The following TRPC4AP variants were observed in gnomAD, a reference collection of about 807,000 sequenced individuals.
TRPC4AP encodes short transient receptor potential channel 4-associated protein.
In TRPC4AP, 45 loss-of-function variants were observed where a neutral mutation model predicts 99.0. That is an observed-to-expected ratio of 0.45 (90% confidence interval 0.36 to 0.58). The LOEUF (loss-of-function observed/expected upper bound fraction) is 0.58. TRPC4AP is among the 20% of genes least tolerant of loss of function. The pLI, the probability that TRPC4AP is intolerant of heterozygous loss-of-function variation, is 0.00. For missense variants in TRPC4AP, 879 were observed against 985.3 expected (o/e 0.89, Z 1.44); for synonymous variants, 408 against 385.8 (o/e 1.06, Z -0.67).
intron 7 of TRPC4AP, among the ~76,000 whole-genome samples, chr20:35,039,003 G>T (rs1382864305): frequency 6.6e-6 from 1 of 152,230 alleles, no homozygotes; most frequent in Non-Finnish European, 1.5e-5. Context: ...GAACCAGAAA[G>T]TGGTGGTTGC....
intron 2 of TRPC4AP, among the ~76,000 whole-genome samples, chr20:35,071,861 C>T (rs2084325017): frequency 6.6e-6 from 1 of 152,074 alleles, no homozygotes; most frequent in East Asian, 1.9e-4. Flanking sequence ...AATCGCCACA[C>T]TGTCTTCCAC....
At chr20:35,086,507 ATGTGTGTGTGTGTATATATG>A (rs1569157801) in intron 1 of TRPC4AP, among the ~76,000 whole-genome samples, 1 of 62,972 alleles carries the variant, frequency 1.6e-5, no homozygotes, top group Non-Finnish European at 3.5e-5. Flanking sequence ...GTGTATATAT[ATGTGTGTGTGTGTATATATG>A]TGTGTGTGTG....
Position 35,078,060 on chromosome 20 carries a change from G to T in TRPC4AP, c.283C>A (p.Gln95Lys). 6.2e-7 allele frequency: 1 copy of T among 1,613,280 alleles called. No individual in the cohort carries two copies. The highest frequency in any genetic ancestry group is 8.5e-7 in the Non-Finnish European group (1 of 1,179,426). Residue 95 changes from glutamine (Q) to lysine (K), a missense_variant, in exon 2 of 19, where the codon CAA (glutamine) becomes AAA (lysine). This residue lies in a region of TRPC4AP where 603 missense variants were observed against 631.8 expected (regional missense o/e 0.95). Transcript: ENST00000252015. ...TTAAGAGTTACCTTGAGGATGTTTT[G>T]ACACTCAACAAAGTCACTGTGGAGG... ...SHLHSDFVECQNILKEISPLL... is the reference protein window; with the variant it reads ...SHLHSDFVECKNILKEISPLL...
In TRPC4AP at chr20:35,021,325, A is replaced by G; in HGVS notation, c.1083T>C (p.Ser361=). Residue 361 remains serine, a synonymous_variant, in exon 9 of 19, where the codon TCT becomes TCC. Coordinates refer to ENST00000252015, the MANE Select transcript of TRPC4AP (RefSeq NM_015638.3). The part of the protein sequence containing the change: ...ASIVFPPPGA[S]EENGLPHTSA... Reference sequence around the variant, plus strand: ...ACGTGTGAGGCAGGCCATTCTCCTCAGAAGCCCCTGGAGGAGGGAACACAA... The same window carrying G: ...ACGTGTGAGGCAGGCCATTCTCCTCGGAAGCCCCTGGAGGAGGGAACACAA... 1 of 1,614,208 alleles carries G rather than the reference A, an allele frequency of 6.2e-7. No individual in the cohort carries two copies. Among genetic ancestry groups the G allele is most frequent in the Non-Finnish European group, 8.5e-7 (1 of 1,180,034 alleles).
chr20:35,010,291 G>A lies in TRPC4AP; in HGVS notation c.1410-3C>T. On this transcript the variant is annotated splice_region_variant and splice_polypyrimidine_tract_variant and intron_variant, in intron 11 of 18. Coordinates refer to ENST00000252015, the MANE Select transcript of TRPC4AP (RefSeq NM_015638.3). ...TGTTGAGTAACAAGTACTTGTTCCT[G>A]AAACAAAATGGGTTGGAGGAGGTAA... 1 of 1,613,610 alleles carries A rather than the reference G, an allele frequency of 6.2e-7. No individual in the cohort carries two copies. The highest frequency in any genetic ancestry group is 1.1e-5 in the South Asian group (1 of 91,070).
At chr20:35,084,827 GTTT>G (rs1295241897) in intron 1 of TRPC4AP, among the ~76,000 whole-genome samples, 2 of 151,438 alleles carry the variant, frequency 1.3e-5, no homozygotes, top group Admixed American at 1.3e-4. Flanking sequence ...GAAGAGGACT[GTTT>G]TTAACACTAC....
At chr20:35,030,747 T>C (rs542539829) in intron 8 of TRPC4AP, among the ~76,000 whole-genome samples, 1 of 152,364 alleles carries the variant, frequency 6.6e-6, no homozygotes, top group South Asian at 2.1e-4. Context: ...TTTCCATATG[T>C]TATAGGTTCA....
In TRPC4AP at chr20:35,013,036, G is replaced by A; in HGVS notation, c.1381C>T (p.Leu461Phe). Residue 461 changes from leucine (L) to phenylalanine (F), a missense_variant, in exon 11 of 19, where the codon CTT (leucine) becomes TTT (phenylalanine). This residue lies in a region of TRPC4AP where 603 missense variants were observed against 631.8 expected (regional missense o/e 0.95). Transcript: ENST00000252015. ...DITLKIQFLR[L>F]LQSFSDHHEN... Reference sequence around the variant, plus strand: ...TGGTGGTCACTGAAGCTCTGAAGAAGCCTCAAAAACTGTATCTTCAAGGTG... The same window carrying A: ...TGGTGGTCACTGAAGCTCTGAAGAAACCTCAAAAACTGTATCTTCAAGGTG... The A allele has an allele frequency of 6.2e-7, 1 of 1,614,110 alleles. No homozygotes were observed. The highest frequency in any genetic ancestry group is 8.5e-7 in the Non-Finnish European group (1 of 1,180,036).
chr20:35,060,598 A>G lies in TRPC4AP; in HGVS notation c.415-3027T>C, dbSNP rs865954120. 6.8e-3 allele frequency among the ~76,000 whole-genome samples: 1,018 copies of G among 150,710 alleles called. 19 individuals carry two copies. The highest frequency in any genetic ancestry group is 0.024 in the African/African-American group (981 of 41,158). On this transcript the variant is annotated intron_variant, in intron 3 of 18. Coordinates refer to ENST00000252015, the MANE Select transcript of TRPC4AP (RefSeq NM_015638.3). ...AGACCTTGTCTCCAAAAAAAAAAAA[A>G]AAAAAAAAAAAACAAGAAAAGGATT...
chr20:35,086,437 G>A lies in TRPC4AP; in HGVS notation c.168+6177C>T, dbSNP rs985931935. Among the ~76,000 whole-genome samples, 207 of 36,472 alleles carry A rather than the reference G, an allele frequency of 5.7e-3. 2 individuals carry two copies. Among genetic ancestry groups the A allele is most frequent in the Admixed American group, 0.01 (26 of 2,508 alleles). The allele number at this position is 36,472 out of a possible 152,430, so 23.9% of individuals were successfully genotyped here. A position where few individuals can be genotyped will look rare whatever the true frequency, so the allele number is the denominator to read the frequency against. On this transcript the variant is annotated intron_variant, in intron 1 of 18. Transcript: ENST00000252015. The stretch of plus-strand genomic sequence containing the variant: ...CCATTGAAATGAATGGCATATGTGT[G>A]TGTGTGTGTGTGTGTGTGTGTGTGT...
In TRPC4AP at chr20:35,002,993, G is replaced by A. The variant is rs1013559225; in HGVS notation, c.*153C>T. On this transcript the variant is annotated 3_prime_UTR_variant, in exon 19 of 19. Transcript: ENST00000252015. Reference sequence around the variant, plus strand: ...GGGCCCTCAGACCCAGGGGGACCAAGGGCTTCTAGGACTTCCCTCCCACCA... The same window carrying A: ...GGGCCCTCAGACCCAGGGGGACCAAAGGCTTCTAGGACTTCCCTCCCACCA... 4 of 1,077,788 alleles carry A rather than the reference G, an allele frequency of 3.7e-6. No homozygotes were observed. Among genetic ancestry groups the A allele is most frequent in the Non-Finnish European group, 4.0e-6 (3 of 755,012 alleles). The allele number at this position is 1,077,788 out of a possible 1,614,324, so 66.8% of individuals were successfully genotyped here.
Position 35,092,774 on chromosome 20 carries a change from G to T in TRPC4AP, c.8C>A (p.Ala3Glu), listed in dbSNP as rs776010915. 3 of 1,535,994 alleles carry T rather than the reference G, an allele frequency of 2.0e-6. No individual in the cohort carries two copies. The highest frequency in any genetic ancestry group is 2.4e-5 in the South Asian group (2 of 84,630). Reference sequence around the variant, plus strand: ...TCCAGACCCAGCCGCTACCGGCGCCGCCGCCATGTCTCCTCGTCGGACAAA... The same window carrying T: ...TCCAGACCCAGCCGCTACCGGCGCCTCCGCCATGTCTCCTCGTCGGACAAA... MA[A>E]APVAAGSGAG... Residue 3 changes from alanine (A) to glutamate (E), a missense_variant, in exon 1 of 19, where the codon GCG (alanine) becomes GAG (glutamate). This residue lies in a region of TRPC4AP where 603 missense variants were observed against 631.8 expected (regional missense o/e 0.95). Coordinates refer to ENST00000252015, the MANE Select transcript of TRPC4AP (RefSeq NM_015638.3).
intron 3 of TRPC4AP, among the ~76,000 whole-genome samples, chr20:35,065,586 A>G (rs940036100): frequency 6.6e-6 from 1 of 152,232 alleles, no homozygotes; most frequent in Non-Finnish European, 1.5e-5. Flanking sequence ...CAGGACAGCA[A>G]GAGAGTTCAC....
At chr20:35,062,946 A>T (rs2084045274) in intron 3 of TRPC4AP, among the ~76,000 whole-genome samples, 1 of 152,224 alleles carries the variant, frequency 6.6e-6, no homozygotes, top group Admixed American at 6.5e-5. Flanking sequence ...ACAGTGGACG[A>T]TTCTGTTGAT....
intron 1 of TRPC4AP, among the ~76,000 whole-genome samples, chr20:35,091,104 C>G (rs904899692): frequency 1.3e-5 from 2 of 151,248 alleles, no homozygotes; most frequent in South Asian, 2.1e-4. Context: ...GCCTCCCAGG[C>G]TCAGGTAATC....
chr20:35,015,534 C>T (rs2082734766), intron 10 of TRPC4AP, among the ~76,000 whole-genome samples: 1 of 148,142 alleles, frequency 6.8e-6, no homozygotes, highest in South Asian at 2.1e-4. Flanking sequence ...GTGATCTCAG[C>T]TCACTGCAAC....
rs2082499979 is a variant in TRPC4AP at position 35,005,630 on chromosome 20, CAG to C, written c.1936+63_1936+64del. ...GTCATTCTTGTCTCCCTGCTGGAGACAGGGTGTCTGATGCCAGCATTCTTACC... is the reference window on the plus strand; with the variant it reads ...GTCATTCTTGTCTCCCTGCTGGAGACGGTGTCTGATGCCAGCATTCTTACC... On this transcript the variant is annotated intron_variant, in intron 16 of 18. Transcript: ENST00000252015. 6.2e-6 allele frequency: 9 copies of C among 1,461,674 alleles called. 1 individual carries two copies. The South Asian group carries it at 7.0e-5, about 11-fold the overall frequency. The allele number at this position is 1,461,674 out of a possible 1,614,324, so 90.5% of individuals were successfully genotyped here. A position where few individuals can be genotyped will look rare whatever the true frequency, so the allele number is the denominator to read the frequency against.
At chr20:35,006,994 CT>C (rs926013066) in intron 14 of TRPC4AP, among the ~76,000 whole-genome samples, 1 of 152,208 alleles carries the variant, frequency 6.6e-6, no homozygotes, top group Non-Finnish European at 1.5e-5. Flanking sequence ...CATGGTTTGT[CT>C]TTGTGTTTAT....
At chr20:35,058,638 T>C (rs2083898772) in intron 3 of TRPC4AP, among the ~76,000 whole-genome samples, 1 of 150,542 alleles carries the variant, frequency 6.6e-6, no homozygotes, top group African/African-American at 2.4e-5. Context: ...GCTAATGGAG[T>C]GCTCAGAGGG....
Sources: allele counts gnomAD v4.1 joint callset (sites outside exome capture counted in the v4.1 genomes callset), GRCh38; gene constraint gnomAD v4.1.1; regional missense constraint gnomAD v4.1.1; transcripts MANE v1.5; gene names NCBI Gene and HGNC (gene_info 2026-07-23, HGNC 2026-07-21).